Variants in CTNND2 observed in about 807,000 individuals in gnomAD.
CTNND2 encodes the protein catenin delta-2.
CTNND2 carries 22 observed loss-of-function variants against 144.4 expected under a neutral mutation model. The ratio of observed to expected loss-of-function variants is 0.15; its 90% CI spans 0.11 to 0.22. CTNND2 has a LOEUF of 0.22. CTNND2 is among the 10% of genes least tolerant of loss of function. The pLI, the probability that CTNND2 is intolerant of heterozygous loss-of-function variation, is 1.00. For synonymous variants in CTNND2, 751 were observed against 695.6 expected, an observed-to-expected ratio of 1.08 and a Z score of -1.25; for missense variants, 1,353 against 1,618.8, an observed-to-expected ratio of 0.84 and a Z score of 2.82.
chr5:11,688,905 G>T (rs1784775926), intron 2 of CTNND2, among the ~76,000 whole-genome samples: 2 of 152,188 alleles, frequency 1.3e-5, no homozygotes, highest in African/African-American at 2.4e-5. Flanking sequence ...ATTCCATTCT[G>T]CATTCACTGA....
intron 5 of CTNND2, among the ~76,000 whole-genome samples, chr5:11,403,460 T>C (rs1374792178): frequency 6.6e-6 from 1 of 152,206 alleles, no homozygotes; most frequent in African/African-American, 2.4e-5. Flanking sequence ...AACTGACATT[T>C]ATCATAAAAA....
At chr5:11,736,700 A>G (rs1339928000) in intron 1 of CTNND2, among the ~76,000 whole-genome samples, 1 of 152,226 alleles carries the variant, frequency 6.6e-6, no homozygotes, top group African/African-American at 2.4e-5. Context: ...ACTAAAAATT[A>G]GTATTTAATC....
At chr5:11,216,053 T>A (rs572556144) in intron 10 of CTNND2, among the ~76,000 whole-genome samples, 2 of 152,206 alleles carry the variant, frequency 1.3e-5, no homozygotes, top group Non-Finnish European at 2.9e-5. Context: ...AAAGGAATAA[T>A]GCTCTGTTAA....
At chr5:11,587,037 C>T (rs779395666) in intron 2 of CTNND2, among the ~76,000 whole-genome samples, 41 of 152,000 alleles carry the variant, frequency 2.7e-4, no homozygotes, top group Non-Finnish European at 4.6e-4. Flanking sequence ...AACTTAATTG[C>T]GTTTTTAAAC....
intron 2 of CTNND2, among the ~76,000 whole-genome samples, chr5:11,585,759 A>G (rs1038075964): frequency 1.9e-4 from 29 of 151,012 alleles, no homozygotes; most frequent in African/African-American, 6.9e-4. Context: ...TAGAATAATT[A>G]AGAACAGCGT....
At chr5:11,609,562 T>C (rs1780217387) in intron 2 of CTNND2, among the ~76,000 whole-genome samples, 1 of 152,134 alleles carries the variant, frequency 6.6e-6, no homozygotes, top group Non-Finnish European at 1.5e-5. Context: ...GGGAGGACAA[T>C]AGTCTATTTT....
At chr5:11,136,052 G>A (rs7732720) in intron 12 of CTNND2, among the ~76,000 whole-genome samples, 14,149 of 152,208 alleles carry the variant, frequency 0.093, 988 homozygotes, top group Admixed American at 0.24. Flanking sequence ...TATAAAAGAT[G>A]CCTGAGGGAG....
chr5:11,037,156 T>C (rs16901212), intron 16 of CTNND2, among the ~76,000 whole-genome samples: 3,114 of 152,324 alleles, frequency 0.02, 80 homozygotes, highest in East Asian at 0.15. Flanking sequence ...TAAAAGGCCA[T>C]GGAGATTGTT....
chr5:11,758,824 C>T (rs1789096184), intron 1 of CTNND2, among the ~76,000 whole-genome samples: 1 of 151,990 alleles, frequency 6.6e-6, no homozygotes, highest in Non-Finnish European at 1.5e-5. Context: ...GAGAACTCCC[C>T]TCATGGCAGT....
At chr5:11,166,675 A>AGT (rs2149780220) in intron 11 of CTNND2, among the ~76,000 whole-genome samples, 1 of 152,222 alleles carries the variant, frequency 6.6e-6, no homozygotes, top group South Asian at 2.1e-4. Context: ...TTGAGTCCCT[A>AGT]GTGTGTGGAG....
chr5:11,128,874 T>G (rs1255228392), intron 12 of CTNND2, among the ~76,000 whole-genome samples: 2 of 68,592 alleles, frequency 2.9e-5, no homozygotes, highest in Non-Finnish European at 5.6e-5. Flanking sequence ...AATATATAAA[T>G]ATATAATACA....
chr5:11,200,780 G>A (rs1280188501), intron 10 of CTNND2, among the ~76,000 whole-genome samples: 7 of 152,166 alleles, frequency 4.6e-5, no homozygotes, highest in African/African-American at 7.2e-5. Flanking sequence ...CCGGGTTCAC[G>A]CCATTCTCCT....
chr5:11,756,656 A>G (rs1381043603), intron 1 of CTNND2, among the ~76,000 whole-genome samples: 1 of 147,452 alleles, frequency 6.8e-6, no homozygotes, highest in Non-Finnish European at 1.5e-5. Context: ...ATACACACAC[A>G]CACACACACA....
intron 3 of CTNND2, among the ~76,000 whole-genome samples, chr5:11,517,424 T>C (rs1772266661): frequency 1.3e-5 from 2 of 152,212 alleles, no homozygotes; most frequent in African/African-American, 4.8e-5. Context: ...TTCAAGTGAT[T>C]CTGCTACTTA....
At chr5:11,309,530 A>G (rs186497485) in intron 9 of CTNND2, among the ~76,000 whole-genome samples, 42 of 152,330 alleles carry the variant, frequency 2.8e-4, no homozygotes, top group African/African-American at 9.4e-4. Context: ...CTGTACCTGC[A>G]CTGGATCTTG....
In CTNND2 at chr5:11,017,984, A is replaced by C. The variant is rs1176347350; in HGVS notation, c.3074T>G (p.Leu1025Arg). 6.2e-7 allele frequency: 1 copy of C among 1,613,004 alleles called. No individual in the cohort carries two copies. The highest frequency in any genetic ancestry group is 1.1e-5 in the South Asian group (1 of 91,024). The stretch of plus-strand genomic sequence containing the variant: ...TGAAGCCAGCCTTACCTTTTTGTAG[A>C]GACTCCTCAGATCTCGGTACTGCCA... ...SMWQYRDLRS[L>R]YKKDGWSQYH... Residue 1025 changes from leucine to arginine, a missense_variant, in exon 18 of 22, where the codon CTC becomes CGC. Transcript: ENST00000304623.
intron 2 of CTNND2, among the ~76,000 whole-genome samples, chr5:11,723,137 C>A (rs896371824): frequency 5.3e-5 from 8 of 151,990 alleles, no homozygotes; most frequent in African/African-American, 1.2e-4. Flanking sequence ...TAATTGTATA[C>A]AAACAAAAAT....
chr5:11,485,157 T>C (rs1768676236), intron 3 of CTNND2, among the ~76,000 whole-genome samples: 1 of 152,150 alleles, frequency 6.6e-6, no homozygotes, highest in Non-Finnish European at 1.5e-5. Context: ...TCAAATATTA[T>C]AATATGCCTA....
At chr5:11,529,058 G>T (rs1042912333) in intron 3 of CTNND2, among the ~76,000 whole-genome samples, 1 of 152,196 alleles carries the variant, frequency 6.6e-6, no homozygotes, top group Non-Finnish European at 1.5e-5. Context: ...GACTGGTGCC[G>T]GCAGGAAATA....
Sources: allele counts gnomAD v4.1 joint callset (sites outside exome capture counted in the v4.1 genomes callset), GRCh38; gene constraint gnomAD v4.1.1; transcripts MANE v1.5; gene names NCBI Gene and HGNC (gene_info 2026-07-23, HGNC 2026-07-21).